Variants in NRXN3 observed in about 807,000 individuals in gnomAD.
NRXN3 encodes the protein neurexin 3, also known as neurexin III.
In NRXN3, 32 loss-of-function variants were observed where a neutral mutation model predicts 137.6. The ratio of observed to expected loss-of-function variants is 0.23; its 90% CI spans 0.18 to 0.31. The LOEUF (loss-of-function observed/expected upper bound fraction) is 0.31. Ranked by LOEUF, NRXN3 falls within the 10% of genes least tolerant of loss-of-function variation. The probability of loss-of-function intolerance (pLI) is 1.00; values close to 1 mark genes in which losing one functional copy is unlikely to be tolerated. For missense variants in NRXN3, 1,574 were observed against 2,062.5 expected, an observed-to-expected ratio of 0.76 and a Z score of 4.59; for synonymous variants, 798 against 784.5, an observed-to-expected ratio of 1.02 and a Z score of -0.29.
At chr14:79,302,494 A>AT (rs2085311824) in intron 15 of NRXN3, among the ~76,000 whole-genome samples, 1 of 151,878 alleles carries the variant, frequency 6.6e-6, no homozygotes, top group Non-Finnish European at 1.5e-5. Flanking sequence ...TCTTTTTAAC[A>AT]ATCAGATCTC....
intron 8 of NRXN3, among the ~76,000 whole-genome samples, chr14:78,776,737 A>T (rs559362230): frequency 3.3e-5 from 5 of 152,226 alleles, no homozygotes; most frequent in Non-Finnish European, 7.3e-5. Flanking sequence ...GACATGCTCC[A>T]TGAAGGACTT....
intron 10 of NRXN3, among the ~76,000 whole-genome samples, chr14:78,953,777 A>G (rs2099391434): frequency 6.6e-6 from 1 of 152,118 alleles, no homozygotes; most frequent in Non-Finnish European, 1.5e-5. Context: ...ATCAATATTT[A>G]TTACTTAAAC....
At chr14:79,446,330 C>T (rs2096063394) in intron 15 of NRXN3, among the ~76,000 whole-genome samples, 1 of 151,948 alleles carries the variant, frequency 6.6e-6, no homozygotes, top group Non-Finnish European at 1.5e-5. Context: ...TTCTGTTGTC[C>T]TCTTAGGTAG....
At chr14:78,189,494 C>T (rs1410143066) in intron 1 of NRXN3, among the ~76,000 whole-genome samples, 1 of 152,202 alleles carries the variant, frequency 6.6e-6, no homozygotes, top group Non-Finnish European at 1.5e-5. Context: ...TTTGCCTCTT[C>T]TGACTCAGCC....
At chr14:79,538,965 A>C (rs1236982695) in intron 16 of NRXN3, among the ~76,000 whole-genome samples, 1 of 152,236 alleles carries the variant, frequency 6.6e-6, no homozygotes, top group Non-Finnish European at 1.5e-5. Flanking sequence ...CTGTGAACTT[A>C]TCCCTATTTT....
Position 79,754,571 on chromosome 14 carries a change from TACACAC to T in NRXN3, c.4015-50527_4015-50522del, listed in dbSNP as rs1228854947. 1.5e-4 allele frequency among the ~76,000 whole-genome samples: 16 copies of T among 105,250 alleles called. No homozygotes were observed. In the East Asian group the frequency reaches 3.1e-3, roughly 20 times the overall value. The allele number at this position is 105,250 out of a possible 152,430, so 69.0% of individuals were successfully genotyped here. The stretch of plus-strand genomic sequence containing the variant: ...ATATATATATATATATATGCACACA[TACACAC>T]ACACACACACACATATATATACACA... On this transcript the variant is annotated intron_variant, in intron 19 of 20. Coordinates refer to ENST00000335750, the MANE Select transcript of NRXN3 (RefSeq NM_001330195.2).
At chr14:78,834,669 A>C (rs992989936) in intron 10 of NRXN3, among the ~76,000 whole-genome samples, 1 of 152,022 alleles carries the variant, frequency 6.6e-6, no homozygotes. Flanking sequence ...AGGTACAAGG[A>C]GGACTGATAT....
intron 4 of NRXN3, among the ~76,000 whole-genome samples, chr14:78,558,550 A>G (rs376577068): frequency 6.6e-6 from 1 of 152,246 alleles, no homozygotes; most frequent in African/African-American, 2.4e-5. Context: ...TTCTGCCTAG[A>G]TAGTTGCTGA....
intron 4 of NRXN3, among the ~76,000 whole-genome samples, chr14:78,300,895 C>G (rs2076806304): frequency 6.6e-6 from 1 of 152,174 alleles, no homozygotes; most frequent in African/African-American, 2.4e-5. Flanking sequence ...GGGGATGATT[C>G]TGTGTTGGCC....
intron 15 of NRXN3, among the ~76,000 whole-genome samples, chr14:79,369,826 A>T (rs1211382835): frequency 6.6e-6 from 1 of 152,204 alleles, no homozygotes; most frequent in Non-Finnish European, 1.5e-5. Context: ...AATCTTGAAG[A>T]CATAGAGCAG....
At position 79,702,201 on chromosome 14, in the gene NRXN3, C is replaced by T. The variant is rs1383281966; in HGVS notation, c.4014+4264C>T. Among the ~76,000 whole-genome samples, 7 of 152,166 alleles carry T rather than the reference C, an allele frequency of 4.6e-5. No individual in the cohort carries two copies. The South Asian group carries it at 8.3e-4, about 18-fold the overall frequency. On this transcript the variant is annotated intron_variant, in intron 19 of 20. Coordinates refer to ENST00000335750, the MANE Select transcript of NRXN3 (RefSeq NM_001330195.2). The stretch of plus-strand genomic sequence containing the variant: ...CACCTCACTACCCATCTTTAAAGTT[C>T]TGTTTTATTTTAAACCAACTTAGAG...
At chr14:78,238,042 G>A (rs1449851840) in intron 1 of NRXN3, among the ~76,000 whole-genome samples, 2 of 152,068 alleles carry the variant, frequency 1.3e-5, no homozygotes, top group Non-Finnish European at 2.9e-5. Context: ...GGAAAAGGGA[G>A]GAATGAAATT....
chr14:79,672,494 G>A (rs1373071121), intron 17 of NRXN3, among the ~76,000 whole-genome samples: 1 of 151,962 alleles, frequency 6.6e-6, no homozygotes, highest in Non-Finnish European at 1.5e-5. Flanking sequence ...CTGAAATAGT[G>A]TGACATAAAT....
intron 15 of NRXN3, among the ~76,000 whole-genome samples, chr14:79,351,503 TG>T (rs1046537591): frequency 5.3e-5 from 8 of 152,278 alleles, no homozygotes; most frequent in African/African-American, 1.9e-4. Context: ...AGCTGCCAAT[TG>T]GAAATACACA....
chr14:78,469,105 A>G (rs2095199373), intron 4 of NRXN3, among the ~76,000 whole-genome samples: 1 of 152,202 alleles, frequency 6.6e-6, no homozygotes, highest in East Asian at 1.9e-4. Flanking sequence ...AAATCGCCTA[A>G]AGAGCTTTTA....
rs755156306 is a variant in NRXN3, at chr14:78,714,763, A to G, written c.1668A>G (p.Ile556Met). The change falls in exon 8 of 21, where the codon ATA becomes ATG. Residue 556 changes from isoleucine (I) to methionine (M), a missense_variant. Coordinates refer to ENST00000335750, the MANE Select transcript of NRXN3 (RefSeq NM_001330195.2). ...TCTGTCTTCCCACCCCAGGTACTAT[A>G]TCAGTGAACAGCAGGCGCACGCCAT... ...DIQRDGRSGT[I>M]SVNSRRTPFT... 13 of 1,613,418 alleles carry G rather than the reference A, an allele frequency of 8.1e-6. No individual in the cohort carries two copies. Among genetic ancestry groups the G allele is most frequent in the Middle Eastern group, 1.6e-4 (1 of 6,082 alleles).
At chr14:78,705,295 C>T (rs964230968) in intron 6 of NRXN3, among the ~76,000 whole-genome samples, 1 of 152,190 alleles carries the variant, frequency 6.6e-6, no homozygotes, top group Admixed American at 6.5e-5. Context: ...AACATTGTAC[C>T]AGACAATAAT....
intron 10 of NRXN3, among the ~76,000 whole-genome samples, chr14:78,899,194 G>A (rs1478517874): frequency 6.6e-6 from 1 of 151,852 alleles, no homozygotes; most frequent in Admixed American, 6.6e-5. Context: ...AAAACAGGAA[G>A]AGAGAAAAAG....
At chr14:79,001,768 T>G (rs1357290266) in intron 15 of NRXN3, among the ~76,000 whole-genome samples, 1 of 152,230 alleles carries the variant, frequency 6.6e-6, no homozygotes, top group Non-Finnish European at 1.5e-5. Context: ...TGGCTTCTTT[T>G]CTTTCTAATT....
Sources: gnomAD v4.1 joint callset for allele counts (sites outside exome capture counted in the v4.1 genomes callset) on GRCh38, gnomAD v4.1.1 for gene constraint, MANE v1.5 for transcripts, NCBI Gene and HGNC (gene_info 2026-07-23, HGNC 2026-07-21) for gene names.